Variants in PLBD1 observed in about 807,000 individuals in gnomAD.
PLBD1 encodes the protein phospholipase B domain containing 1.
In PLBD1, 60 loss-of-function variants were observed where a neutral mutation model predicts 63.0. That is an observed-to-expected ratio of 0.95 (90% confidence interval 0.77 to 1.18). The LOEUF is 1.18. PLBD1 is among the 50% of genes most tolerant of loss of function. The pLI is 0.00. For missense variants in PLBD1, 598 were observed against 677.9 expected (o/e 0.88, Z 1.31); for synonymous variants, 262 against 248.0 (o/e 1.06, Z -0.53).
At position 14,522,708 on chromosome 12, in the gene PLBD1, A is replaced by G. The variant is rs1445985136; in HGVS notation, c.845-10997T>C. ...CAGGGATGCAAGGATGGTTCAATATATGCAAATCAATAAACATAATACATC... is the reference window on the plus strand; with the variant it reads ...CAGGGATGCAAGGATGGTTCAATATGTGCAAATCAATAAACATAATACATC... On this transcript the variant is annotated intron_variant, in intron 6 of 10. Transcript: ENST00000240617. Among the ~76,000 whole-genome samples, 4 of 152,208 alleles carry G rather than the reference A, an allele frequency of 2.6e-5. No individual in the cohort carries two copies. In the East Asian group the frequency reaches 7.7e-4, roughly 29 times the overall value.
intron 6 of PLBD1, among the ~76,000 whole-genome samples, chr12:14,534,543 C>CTTTTTTT (rs1286445435): frequency 7.3e-6 from 1 of 137,810 alleles, no homozygotes; most frequent in Non-Finnish European, 1.6e-5. Flanking sequence ...CTTTTCTTTT[C>CTTTTTTT]TTTTTTTTTT....
In PLBD1 at chr12:14,536,859, C is replaced by T. The variant is rs1225342729; in HGVS notation, c.559-149G>A. 98 of 991,014 alleles carry T rather than the reference C, an allele frequency of 9.9e-5. No homozygotes were observed. In the Admixed American group the frequency reaches 1.5e-3, roughly 15 times the overall value. The allele number at this position is 991,014 out of a possible 1,614,324, so 61.4% of individuals were successfully genotyped here. ...ATCCCAGCACTTTGGGAGGCCAACG[C>T]GGGTGGATCTCCCGAGGTGAGGGGT... On this transcript the variant is annotated intron_variant, in intron 4 of 10. Transcript: ENST00000240617.
rs1378563014 is a variant in PLBD1, at chr12:14,567,629, A to T, written c.68T>A (p.Leu23Gln). Reference protein sequence around the residue: ...PQPPPLLLLLLLLPLLLVTAE... With the variant: ...PQPPPLLLLLQLLPLLLVTAE... ...GGTGACTAACAACAGCGGCAGCAGCAGCAGCAGCAGCAGAAGCGGTGGCGG... is the reference window on the plus strand; with the variant it reads ...GGTGACTAACAACAGCGGCAGCAGCTGCAGCAGCAGCAGAAGCGGTGGCGG... The change falls in exon 1 of 11, where the codon CTG (leucine) becomes CAG (glutamine). Residue 23 changes from leucine (L) to glutamine (Q), a missense_variant. Leu to Gln is a moderately radical substitution (Grantham distance 113). Transcript: ENST00000240617. The T allele has an allele frequency of 1.3e-6, 2 of 1,492,876 alleles. No homozygotes were observed. Among genetic ancestry groups the T allele is most frequent in the East Asian group, 2.8e-5 (1 of 35,596 alleles). 92.5% of individuals were successfully genotyped at this position (1,492,876 alleles called of 1,614,324 possible).
chr12:14,547,824 T>C (rs1222775968), intron 2 of PLBD1, among the ~76,000 whole-genome samples: 1 of 152,142 alleles, frequency 6.6e-6, no homozygotes, highest in Admixed American at 6.5e-5. Flanking sequence ...TGGGCTCCTT[T>C]AGTATTTCCC....
At chr12:14,562,389 G>A (rs764604975) in intron 1 of PLBD1, among the ~76,000 whole-genome samples, 11 of 151,416 alleles carry the variant, frequency 7.3e-5, no homozygotes, top group Non-Finnish European at 1.6e-4. Context: ...GAACCCAGGA[G>A]GTGGAGGTCA....
intron 1 of PLBD1, among the ~76,000 whole-genome samples, chr12:14,564,322 T>C (rs1945764724): frequency 1.3e-5 from 2 of 152,150 alleles, no homozygotes; most frequent in Admixed American, 1.3e-4. Flanking sequence ...TATTAAACTT[T>C]TTGACAACCA....
At chr12:14,526,743 C>A (rs1413695818) in intron 6 of PLBD1, among the ~76,000 whole-genome samples, 1 of 152,136 alleles carries the variant, frequency 6.6e-6, no homozygotes, top group African/African-American at 2.4e-5. Context: ...GAGGCCGAGG[C>A]AGGCAGATCA....
At position 14,537,317 on chromosome 12, in the gene PLBD1, C is replaced by T. The variant is rs557907507; in HGVS notation, c.559-607G>A. ...TGCTTCTCAACCTTGGCACTATTGACATTTTGAGCTGGCCGATACTTTCTT... is the reference window on the plus strand; with the variant it reads ...TGCTTCTCAACCTTGGCACTATTGATATTTTGAGCTGGCCGATACTTTCTT... On this transcript the variant is annotated intron_variant, in intron 4 of 10. Coordinates refer to ENST00000240617, the MANE Select transcript of PLBD1 (RefSeq NM_024829.6). Among the ~76,000 whole-genome samples the T allele has an allele frequency of 3.9e-5, 6 of 152,154 alleles. No homozygotes were observed. The South Asian group carries it at 1.0e-3, about 26-fold the overall frequency.
intron 8 of PLBD1, among the ~76,000 whole-genome samples, chr12:14,510,217 C>G (rs1290660677): frequency 6.6e-6 from 1 of 152,028 alleles, no homozygotes; most frequent in Non-Finnish European, 1.5e-5. Context: ...CTGGTGAAAC[C>G]CCGTCTCTAC....
intron 6 of PLBD1, among the ~76,000 whole-genome samples, chr12:14,521,882 T>C (rs557275555): frequency 6.6e-6 from 1 of 152,108 alleles, no homozygotes; most frequent in Admixed American, 6.5e-5. Context: ...CAAGATAATA[T>C]AGATAGGCAA....
At chr12:14,504,305 C>G (rs1283174043) in intron 10 of PLBD1, among the ~76,000 whole-genome samples, 1 of 152,240 alleles carries the variant, frequency 6.6e-6, no homozygotes, top group Non-Finnish European at 1.5e-5. Context: ...CCGCCTCAGC[C>G]TCCCAAAGTG....
intron 1 of PLBD1, among the ~76,000 whole-genome samples, chr12:14,566,867 A>G (rs895013262): frequency 6.6e-5 from 10 of 151,576 alleles, no homozygotes; most frequent in Non-Finnish European, 1.3e-4. Context: ...AGGCCGAGGC[A>G]GGCGGATCGC....
chr12:14,508,517 C>G (rs1252339840), intron 8 of PLBD1, among the ~76,000 whole-genome samples: 1 of 152,058 alleles, frequency 6.6e-6, no homozygotes, highest in Non-Finnish European at 1.5e-5. Flanking sequence ...GCCTGTAATC[C>G]CAGCACTTTG....
At chr12:14,532,616 G>A (rs960324940) in intron 6 of PLBD1, among the ~76,000 whole-genome samples, 1 of 152,186 alleles carries the variant, frequency 6.6e-6, no homozygotes, top group African/African-American at 2.4e-5. Context: ...CAGGCCATAG[G>A]CTTGAGTCCC....
chr12:14,526,959 C>T (rs543392908), intron 6 of PLBD1, among the ~76,000 whole-genome samples: 6 of 152,092 alleles, frequency 3.9e-5, no homozygotes, highest in South Asian at 4.2e-4. Flanking sequence ...GCAACAAGAG[C>T]GAAACTCCAT....
chr12:14,551,435 GA>G (rs1440270222), intron 2 of PLBD1, among the ~76,000 whole-genome samples: 5 of 152,096 alleles, frequency 3.3e-5, no homozygotes, highest in Admixed American at 6.6e-5. Context: ...TTTTTCTATA[GA>G]TTTTTTTTGG....
chr12:14,516,200 G>A lies in PLBD1; in HGVS notation c.845-4489C>T, dbSNP rs148592559. ...AAAAATTAGCTGGGCACGGTGGCGC[G>A]CGCCTGTAATCCCAGTTACTCAGGA... On this transcript the variant is annotated intron_variant, in intron 6 of 10. Transcript: ENST00000240617. Among the ~76,000 whole-genome samples the A allele has an allele frequency of 5.5e-4, 83 of 152,006 alleles. 1 individual carries two copies. In the East Asian group the frequency reaches 8.7e-3, roughly 16 times the overall value.
intron 6 of PLBD1, among the ~76,000 whole-genome samples, chr12:14,515,010 A>G (rs1265048603): frequency 6.6e-6 from 1 of 152,230 alleles, no homozygotes; most frequent in Non-Finnish European, 1.5e-5. Context: ...CACTGAATTT[A>G]ATTAAGAAAT....
At chr12:14,508,922 T>C (rs909061052) in intron 8 of PLBD1, among the ~76,000 whole-genome samples, 1 of 152,120 alleles carries the variant, frequency 6.6e-6, no homozygotes, top group Non-Finnish European at 1.5e-5. Context: ...ATACAGGCCT[T>C]CTAACTAAAA....
Sources: gnomAD v4.1 joint callset for allele counts (sites outside exome capture counted in the v4.1 genomes callset) on GRCh38, gnomAD v4.1.1 for gene constraint, MANE v1.5 for transcripts, NCBI Gene and HGNC (gene_info 2026-07-23, HGNC 2026-07-21) for gene names.